Variants in RELCH observed in about 807,000 individuals in gnomAD.
RELCH encodes the protein RAB11 binding and LisH domain, coiled-coil and HEAT repeat containing, also known as RAB11-binding protein RELCH.
A neutral mutation model predicts 150.3 loss-of-function variants in RELCH; 41 were observed. The observed-to-expected ratio is 0.27, with a 90% confidence interval of 0.21 to 0.35. RELCH has a LOEUF of 0.35. RELCH is among the 10% of genes least tolerant of loss of function. RELCH has a pLI of 1.00. For missense variants in RELCH, 1,092 were observed against 1,467.8 expected (o/e 0.74, Z 4.18); for synonymous variants, 478 against 531.8 (o/e 0.90, Z 1.39).
At chr18:62,201,520 A>C (rs1020810970) in intron 1 of RELCH, among the ~76,000 whole-genome samples, 2 of 152,132 alleles carry the variant, frequency 1.3e-5, no homozygotes, top group Admixed American at 6.5e-5. Context: ...TTTTTAAATT[A>C]TAAAGTGCCC....
intron 1 of RELCH, among the ~76,000 whole-genome samples, chr18:62,189,259 G>GTTTTTTTTTTTTTTTTTT (rs748259898): frequency 8.5e-6 from 1 of 118,064 alleles, no homozygotes; most frequent in African/African-American, 3.3e-5. Context: ...GTCTTTTTTT[G>GTTTTTTTTTTTTTTTTTT]TTTTTTTTTT....
intron 8 of RELCH, among the ~76,000 whole-genome samples, chr18:62,228,911 A>C (rs1360809428): frequency 6.6e-6 from 1 of 151,992 alleles, no homozygotes; most frequent in Non-Finnish European, 1.5e-5. Flanking sequence ...TTTTTTCTCT[A>C]TCCTTTAGTC....
At chr18:62,262,376 C>T (rs2043318272) in intron 16 of RELCH, among the ~76,000 whole-genome samples, 1 of 152,030 alleles carries the variant, frequency 6.6e-6, no homozygotes, top group Non-Finnish European at 1.5e-5. Context: ...TGAAATTATC[C>T]ATGTCTCTTA....
In RELCH at chr18:62,297,315, C is replaced by T. The variant is rs545415636; in HGVS notation, c.3460-1475C>T. Among the ~76,000 whole-genome samples the T allele has an allele frequency of 2.0e-5, 3 of 152,208 alleles. No homozygotes were observed. The East Asian group carries it at 5.8e-4, about 29-fold the overall frequency. On this transcript the variant is annotated intron_variant, in intron 27 of 28. Transcript: ENST00000644646. ...CAGATTTAACTTAAAGTGAAGTCTA[C>T]TGATGCATAAAGAGATTCTAATCCA...
intron 10 of RELCH, among the ~76,000 whole-genome samples, chr18:62,233,257 C>A (rs1164285212): frequency 1.3e-5 from 2 of 151,596 alleles, no homozygotes; most frequent in East Asian, 1.9e-4. Flanking sequence ...ATTTTTAGAT[C>A]AAAAAAATTT....
At chr18:62,257,308 A>G (rs1455258371) in intron 13 of RELCH, among the ~76,000 whole-genome samples, 1 of 152,116 alleles carries the variant, frequency 6.6e-6, no homozygotes, top group Non-Finnish European at 1.5e-5. Flanking sequence ...GGTGTACATT[A>G]TATTAACTAT....
At chr18:62,259,291 T>C (rs771015689) in intron 15 of RELCH, among the ~76,000 whole-genome samples, 2 of 151,944 alleles carry the variant, frequency 1.3e-5, no homozygotes, top group African/African-American at 2.4e-5. Context: ...AGGGGAAGTA[T>C]TATAGCATGA....
chr18:62,226,272 A>T (rs1295920049), intron 5 of RELCH, among the ~76,000 whole-genome samples: 2 of 152,120 alleles, frequency 1.3e-5, no homozygotes, highest in Non-Finnish European at 2.9e-5. Context: ...GCTCTTCTAA[A>T]GATCTTTCTC....
chr18:62,201,408 T>C (rs1475724405), intron 1 of RELCH, among the ~76,000 whole-genome samples: 1 of 152,190 alleles, frequency 6.6e-6, no homozygotes, highest in Admixed American at 6.5e-5. Context: ...GACAGATTTT[T>C]TTAAGCATGG....
chr18:62,266,583 G>A, intron 18 of RELCH, 118 bp from the exon 19 acceptor site: 1 of 577,804 alleles, frequency 1.7e-6, no homozygotes, highest in Non-Finnish European at 3.1e-6. Context: ...ACTTAACTTA[G>A]TCATCTATAA....
intron 26 of RELCH, among the ~76,000 whole-genome samples, chr18:62,291,232 A>T (rs539594139): frequency 3.9e-5 from 6 of 152,162 alleles, no homozygotes; most frequent in Non-Finnish European, 8.8e-5. Flanking sequence ...TTTCATATTC[A>T]TTGAAACATC....
intron 8 of RELCH, among the ~76,000 whole-genome samples, chr18:62,229,659 C>T (rs1286161199): frequency 2.0e-5 from 3 of 151,966 alleles, no homozygotes; most frequent in Admixed American, 2.0e-4. Context: ...GTCCAACTTG[C>T]TTTGGGAACA....
intron 1 of RELCH, among the ~76,000 whole-genome samples, chr18:62,188,474 C>A (rs2038332417): frequency 6.6e-6 from 1 of 152,230 alleles, no homozygotes; most frequent in Non-Finnish European, 1.5e-5. Context: ...CACACTGCTG[C>A]TGTCTCCGAA....
intron 5 of RELCH, among the ~76,000 whole-genome samples, chr18:62,221,760 A>G (rs963657740): frequency 6.6e-6 from 1 of 151,618 alleles, no homozygotes; most frequent in Non-Finnish European, 1.5e-5. Context: ...TAGTCCACTC[A>G]TTTTTGCATA....
At chr18:62,260,375 CA>C (rs201786752) in intron 15 of RELCH, among the ~76,000 whole-genome samples, 4,078 of 100,976 alleles carry the variant, frequency 0.04, 145 homozygotes, top group East Asian at 0.27. Context: ...ATTAAAAAGA[CA>C]AAAAAAAAAA....
intron 22 of RELCH, chr18:62,277,918 G>A (rs1025719590): frequency 4.1e-5 from 36 of 880,916 alleles, no homozygotes; most frequent in Non-Finnish European, 4.9e-5. Flanking sequence ...ACTCAAAGAG[G>A]TCATGGACTT....
At chr18:62,209,111 T>C (rs2039998523) in intron 1 of RELCH, among the ~76,000 whole-genome samples, 1 of 152,210 alleles carries the variant, frequency 6.6e-6, no homozygotes, top group African/African-American at 2.4e-5. Flanking sequence ...ACCTTTGCCA[T>C]GTAAAGTAAC....
intron 22 of RELCH, among the ~76,000 whole-genome samples, chr18:62,279,068 G>A (rs1327696206): frequency 1.3e-5 from 2 of 152,078 alleles, no homozygotes; most frequent in East Asian, 3.8e-4. Flanking sequence ...GCCCTTTGAG[G>A]TAGATAATAA....
chr18:62,252,444 G>A lies in RELCH; in HGVS notation c.1734-220G>A, dbSNP rs9961843. Among the ~76,000 whole-genome samples, 1,370 of 152,138 alleles carry A rather than the reference G, an allele frequency of 9.0e-3. 19 individuals carry two copies. Among genetic ancestry groups the A allele is most frequent in the East Asian group, 0.052 (267 of 5,140 alleles). On this transcript the variant is annotated intron_variant, in intron 11 of 28. Coordinates refer to ENST00000644646, the MANE Select transcript of RELCH (RefSeq NM_001346231.2). ...TGAGGTGGGAGGGCTGCTTGAGCCTGGGAGGTGGAGGTTGCAGTAAGCCAA... is the reference window on the plus strand; with the variant it reads ...TGAGGTGGGAGGGCTGCTTGAGCCTAGGAGGTGGAGGTTGCAGTAAGCCAA...
Sources: gnomAD v4.1 joint callset for allele counts (sites outside exome capture counted in the v4.1 genomes callset) on GRCh38, gnomAD v4.1.1 for gene constraint, MANE v1.5 for transcripts, NCBI Gene and HGNC (gene_info 2026-07-23, HGNC 2026-07-21) for gene names.